The following COL13A1 variants were observed in gnomAD, a reference collection of about 807,000 sequenced individuals.
The protein encoded by COL13A1 is collagen type XIII alpha 1 chain.
COL13A1 carries 89 observed loss-of-function variants against 130.9 expected under a neutral mutation model. The ratio of observed to expected loss-of-function variants is 0.68; its 90% confidence interval spans 0.57 to 0.81. The LOEUF (loss-of-function observed/expected upper bound fraction) is 0.81. COL13A1 is among the 30% of genes least tolerant of loss of function. The pLI is 0.00. For synonymous variants in COL13A1, 402 were observed against 341.6 expected (o/e 1.18, Z -1.95); for missense variants, 879 against 934.6 (o/e 0.94, Z 0.78).
At chr10:69,837,113 G>A (rs1345866755) in intron 2 of COL13A1, among the ~76,000 whole-genome samples, 1 of 152,198 alleles carries the variant, frequency 6.6e-6, no homozygotes, top group Non-Finnish European at 1.5e-5. Flanking sequence ...AGCTTTGACA[G>A]CCTGAATGTC....
intron 2 of COL13A1, among the ~76,000 whole-genome samples, chr10:69,839,703 G>A (rs76879912): frequency 0.015 from 2,324 of 152,298 alleles, 54 homozygotes; most frequent in African/African-American, 0.053. Flanking sequence ...AGCAAAAGCC[G>A]GTGCAAAATC....
At position 69,952,986 on chromosome 10, in the gene COL13A1, A is replaced by G; in HGVS notation, c.2145+18A>G. 6.7e-7 allele frequency: 1 copy of G among 1,497,844 alleles called. No individual in the cohort carries two copies. Among genetic ancestry groups the G allele is most frequent in the Non-Finnish European group, 8.9e-7 (1 of 1,128,556 alleles). The allele number at this position is 1,497,844 out of a possible 1,614,324, so 92.8% of individuals were successfully genotyped here. On this transcript the variant is annotated intron_variant, in intron 39 of 40. Coordinates refer to ENST00000645393, the MANE Select transcript of COL13A1 (RefSeq NM_001368882.1). ...GCCCATTGGTATGTTTTTGTTTATC[A>G]CTTGCATTGTTCTGGTTTTTGTTCT... is the stretch of plus-strand genomic sequence containing the variant.
At chr10:69,952,828 T>C in intron 38 of COL13A1, 54 bp from the exon 39 acceptor site, 1 of 1,217,826 alleles carries the variant, frequency 8.2e-7, no homozygotes, top group Non-Finnish European at 1.2e-6. Flanking sequence ...CCTTAACACA[T>C]GAATGATCTT....
intron 1 of COL13A1, among the ~76,000 whole-genome samples, chr10:69,804,327 G>C (rs1393663126): frequency 1.3e-5 from 2 of 152,028 alleles, no homozygotes; most frequent in Non-Finnish European, 2.9e-5. Context: ...CTTCCTGCTG[G>C]CCTGACCATG....
chr10:69,916,883 A>C (rs764907628), intron 17 of COL13A1, among the ~76,000 whole-genome samples: 16 of 152,192 alleles, frequency 1.1e-4, no homozygotes, highest in Non-Finnish European at 5.9e-5. Context: ...TGAGGCAAGA[A>C]GTCCCAGGCA....
At chr10:69,809,438 T>C (rs1842400951) in intron 1 of COL13A1, among the ~76,000 whole-genome samples, 1 of 152,242 alleles carries the variant, frequency 6.6e-6, no homozygotes, top group East Asian at 1.9e-4. Flanking sequence ...ATTCACTAAA[T>C]CCTCACAATA....
intron 29 of COL13A1, 61 bp downstream of exon 29, chr10:69,930,148 G>C (rs550507602): frequency 1.3e-6 from 2 of 1,560,122 alleles, no homozygotes; most frequent in Admixed American, 3.4e-5. Context: ...GGGGCAGGAG[G>C]TCGGGCAGGA....
At chr10:69,951,306 G>T (rs1034626553) in intron 38 of COL13A1, among the ~76,000 whole-genome samples, 1 of 152,114 alleles carries the variant, frequency 6.6e-6, no homozygotes, top group Non-Finnish European at 1.5e-5. Flanking sequence ...AGCAGCTATC[G>T]TTTACTGTGC....
intron 3 of COL13A1, 130 bp from the exon 4 acceptor site, chr10:69,872,054 G>A (rs761837738): frequency 1.1e-5 from 12 of 1,079,890 alleles, no homozygotes; most frequent in Middle Eastern, 4.0e-4. Flanking sequence ...CTCCCCCTTC[G>A]TTTTGTTCAT....
intron 2 of COL13A1, among the ~76,000 whole-genome samples, chr10:69,832,106 G>A (rs1848963488): frequency 6.6e-6 from 1 of 152,172 alleles, no homozygotes; most frequent in Non-Finnish European, 1.5e-5. Context: ...GCAATGGCAC[G>A]CTTGCCACTG....
At chr10:69,812,101 T>C (rs1027771155) in intron 1 of COL13A1, among the ~76,000 whole-genome samples, 5 of 152,122 alleles carry the variant, frequency 3.3e-5, no homozygotes, top group Non-Finnish European at 5.9e-5. Flanking sequence ...AATCACGCCG[T>C]CTCCTGATTA....
At chr10:69,955,781 C>G (rs1393461692) in intron 39 of COL13A1, 1 of 152,218 alleles carries the variant, frequency 6.6e-6, no homozygotes, top group East Asian at 1.9e-4. Context: ...TCCATAACAT[C>G]CCATATCAAT....
At chr10:69,806,542 C>A (rs993107640) in intron 1 of COL13A1, among the ~76,000 whole-genome samples, 1 of 152,234 alleles carries the variant, frequency 6.6e-6, no homozygotes, top group African/African-American at 2.4e-5. Flanking sequence ...GCTCTTCCCC[C>A]ATCAGCGCCT....
intron 26 of COL13A1, among the ~76,000 whole-genome samples, chr10:69,926,227 C>T (rs1416595386): frequency 6.6e-6 from 1 of 152,252 alleles, no homozygotes; most frequent in East Asian, 1.9e-4. Context: ...ATGTATAACC[C>T]CCTTTCATGC....
chr10:69,918,846 C>T (rs1192741122), intron 19 of COL13A1, among the ~76,000 whole-genome samples: 2 of 152,204 alleles, frequency 1.3e-5, no homozygotes, highest in Non-Finnish European at 2.9e-5. Context: ...TGCCACACCC[C>T]TCACCTGGGG....
intron 22 of COL13A1, 129 bp downstream of exon 22, chr10:69,922,064 C>T: frequency 8.3e-7 from 1 of 1,207,692 alleles, no homozygotes; most frequent in Non-Finnish European, 1.1e-6. Flanking sequence ...GCAGCTGGAA[C>T]ACAGCCAGAT....
At chr10:69,870,846 A>C (rs1444794000) in intron 3 of COL13A1, among the ~76,000 whole-genome samples, 2 of 103,488 alleles carry the variant, frequency 1.9e-5, no homozygotes, top group African/African-American at 7.6e-5. Context: ...CAGAGCAAAG[A>C]GGAAAACAGA....
At chr10:69,877,733 ACACACACACACACG>A in intron 5 of COL13A1, 1 of 435,568 alleles carries the variant, frequency 2.3e-6, no homozygotes, top group Non-Finnish European at 4.2e-6. Flanking sequence ...ACACACACAC[ACACACACACACACG>A]TACGTGCCTC....
intron 34 of COL13A1, among the ~76,000 whole-genome samples, chr10:69,938,521 C>A (rs2067232503): frequency 6.6e-6 from 1 of 152,162 alleles, no homozygotes; most frequent in Non-Finnish European, 1.5e-5. Flanking sequence ...AGGTCACATA[C>A]AAAGTTGGTG....
Sources: gnomAD v4.1 joint callset for allele counts (sites outside exome capture counted in the v4.1 genomes callset) on GRCh38, gnomAD v4.1.1 for gene constraint, MANE v1.5 for transcripts, NCBI Gene and HGNC (gene_info 2026-07-23, HGNC 2026-07-21) for gene names.